REDIC1: variants seen among roughly 807,000 people sequenced by gnomAD.
REDIC1 encodes regulator of DNA class I crossover intermediates 1, also known as HEI10 Interacting Protein 1.
chr12:39,632,388 G>A, the REDIC1 span, among the ~76,000 whole-genome samples: 1 of 152,090 alleles, frequency 6.6e-6, no homozygotes, highest in Non-Finnish European at 1.5e-5. Flanking sequence ...ATGAGCCACT[G>A]CACCCAGCCA....
At chr12:39,712,716 CGTATACGTGTATATATGTATATAGACG>C in the REDIC1 span, among the ~76,000 whole-genome samples, 16 of 126,462 alleles carry the variant, frequency 1.3e-4, no homozygotes, top group African/African-American at 5.3e-4. Context: ...TGTATATAGA[CGTATACGTGTATATATGTATATAGACG>C]TGTACACATA....
At chr12:39,884,627 G>T in the REDIC1 span, among the ~76,000 whole-genome samples, 1 of 152,120 alleles carries the variant, frequency 6.6e-6, no homozygotes, top group Non-Finnish European at 1.5e-5. Context: ...GTTCAGGGAG[G>T]GTGGGAGCCC....
chr12:39,859,463 A>G, the REDIC1 span, among the ~76,000 whole-genome samples: 3 of 152,132 alleles, frequency 2.0e-5, no homozygotes, highest in Middle Eastern at 3.4e-3. Context: ...GAAAGGGAAA[A>G]CAGGTGACTT....
At chr12:39,727,034 T>C in the REDIC1 span, among the ~76,000 whole-genome samples, 7 of 152,234 alleles carry the variant, frequency 4.6e-5, no homozygotes, top group Admixed American at 1.3e-4. Flanking sequence ...CTTGTAAATT[T>C]GTGTAAGTTC....
chr12:39,759,393 T>G, the REDIC1 span: 1 of 152,296 alleles, frequency 6.6e-6, no homozygotes, highest in Non-Finnish European at 1.5e-5. Flanking sequence ...CAAAAGATAG[T>G]GTGCAGAGTC....
At chr12:39,626,242 G>A in the REDIC1 span, 16 of 1,403,198 alleles carry the variant, frequency 1.1e-5, no homozygotes, top group Non-Finnish European at 1.6e-5. Flanking sequence ...GTTGTCAGGA[G>A]GCCCTGGGGG....
chr12:39,810,310 T>C, the REDIC1 span, among the ~76,000 whole-genome samples: 1 of 152,246 alleles, frequency 6.6e-6, no homozygotes, highest in Non-Finnish European at 1.5e-5. Flanking sequence ...AATTAGCCTT[T>C]AAAATATTTC....
chr12:39,644,585 A>C, the REDIC1 span, among the ~76,000 whole-genome samples: 1 of 151,846 alleles, frequency 6.6e-6, no homozygotes, highest in Admixed American at 6.6e-5. Context: ...TATTGTTAAT[A>C]TTTCCTCATT....
At chr12:39,800,237 A>C in the REDIC1 span, among the ~76,000 whole-genome samples, 2 of 152,212 alleles carry the variant, frequency 1.3e-5, no homozygotes, top group Non-Finnish European at 2.9e-5. Context: ...AGAAAAAATA[A>C]TTTGTGACTA....
At chr12:39,722,069 A>G in the REDIC1 span, among the ~76,000 whole-genome samples, 1 of 152,248 alleles carries the variant, frequency 6.6e-6, no homozygotes, top group Admixed American at 6.6e-5. Flanking sequence ...TTCATGGTAC[A>G]CAGCAGAGGG....
At chr12:39,646,504 GTTA>G in the REDIC1 span, 2 of 1,496,990 alleles carry the variant, frequency 1.3e-6, no homozygotes, top group Non-Finnish European at 1.8e-6. Context: ...GTTTAAACTG[GTTA>G]TTAACAACAC....
At chr12:39,795,464 A>C in the REDIC1 span, among the ~76,000 whole-genome samples, 1 of 152,154 alleles carries the variant, frequency 6.6e-6, no homozygotes, top group Non-Finnish European at 1.5e-5. Flanking sequence ...TATTTGTCTA[A>C]TAAATCCAAT....
chr12:39,643,279 G>T, the REDIC1 span, among the ~76,000 whole-genome samples: 1 of 151,536 alleles, frequency 6.6e-6, no homozygotes, highest in African/African-American at 2.4e-5. Context: ...ACAAACATCT[G>T]GGAATCATGG....
the REDIC1 span, among the ~76,000 whole-genome samples, chr12:39,695,679 G>C: frequency 6.6e-6 from 1 of 152,096 alleles, no homozygotes; most frequent in Non-Finnish European, 1.5e-5. Flanking sequence ...GGGGGAACTT[G>C]ACACCCTGAA....
the REDIC1 span, among the ~76,000 whole-genome samples, chr12:39,821,071 C>G: frequency 6.6e-6 from 1 of 152,096 alleles, no homozygotes; most frequent in Non-Finnish European, 1.5e-5. Flanking sequence ...CTTTCTTTCA[C>G]TGCCCTGTAC....
the REDIC1 span, among the ~76,000 whole-genome samples, chr12:39,808,622 C>T: frequency 6.6e-6 from 1 of 152,128 alleles, no homozygotes; most frequent in Non-Finnish European, 1.5e-5. Flanking sequence ...TTTAGCTATT[C>T]TAGTTGGTGT....
the REDIC1 span, among the ~76,000 whole-genome samples, chr12:39,863,963 G>A: frequency 6.6e-6 from 1 of 152,136 alleles, no homozygotes; most frequent in Non-Finnish European, 1.5e-5. Flanking sequence ...TCTATTTCAA[G>A]CTAAAGGAAT....
chr12:39,871,121 A>G, the REDIC1 span, among the ~76,000 whole-genome samples: 1 of 152,208 alleles, frequency 6.6e-6, no homozygotes, highest in Non-Finnish European at 1.5e-5. Context: ...ATGTAAAATC[A>G]ATGTTAAATA....
At chr12:39,777,271 T>C in the REDIC1 span, among the ~76,000 whole-genome samples, 1 of 152,116 alleles carries the variant, frequency 6.6e-6, no homozygotes, top group Non-Finnish European at 1.5e-5. Flanking sequence ...AAATAGTCAA[T>C]TGAAATAATA....
Sources: gnomAD v4.1 joint callset for allele counts (sites outside exome capture counted in the v4.1 genomes callset) on GRCh38, gnomAD v4.1.1 for gene constraint, MANE v1.5 for transcripts, NCBI Gene and HGNC (gene_info 2026-07-23, HGNC 2026-07-21) for gene names.